The following ZFAND3 variants were observed in gnomAD, a reference collection of about 807,000 sequenced individuals.
The protein encoded by ZFAND3 is AN1-type zinc finger protein 3.
In ZFAND3, 10 loss-of-function variants were observed where a neutral mutation model predicts 29.6. The observed-to-expected ratio is 0.34, with a 90% CI of 0.21 to 0.57. The LOEUF is 0.57. Ranked by LOEUF, ZFAND3 falls within the 20% of genes least tolerant of loss-of-function variation. The pLI is 0.86. For missense variants in ZFAND3, 230 were observed against 304.5 expected, an observed-to-expected ratio of 0.76 and a Z score of 1.82; for synonymous variants, 128 against 112.6, an observed-to-expected ratio of 1.14 and a Z score of -0.87.
chr6:37,964,021 A>G lies in ZFAND3; in HGVS notation c.112+34022A>G, dbSNP rs3749583. 2.1e-3 allele frequency among the ~76,000 whole-genome samples: 323 copies of G among 151,974 alleles called. 11 individuals are homozygous for G. The East Asian group carries it at 0.053, about 25-fold the overall frequency. On this transcript the variant is annotated intron_variant, in intron 2 of 5. Transcript: ENST00000287218. ...TGTTCCATATATTATAATCCTTTCC[A>G]TATTTTGTTCTGTTGTAATTCTATT...
intron 1 of ZFAND3, among the ~76,000 whole-genome samples, chr6:37,909,148 T>C (rs185371440): frequency 7.0e-4 from 106 of 152,274 alleles, no homozygotes; most frequent in African/African-American, 2.5e-3. Flanking sequence ...TGCTTTTGAT[T>C]TTACATTGAT....
intron 2 of ZFAND3, among the ~76,000 whole-genome samples, chr6:38,037,842 A>G (rs1217861472): frequency 6.6e-6 from 1 of 152,210 alleles, no homozygotes; most frequent in East Asian, 1.9e-4. Flanking sequence ...ACTGATAACA[A>G]TCCCATCATA....
At chr6:37,842,734 T>C (rs76767526) in intron 1 of ZFAND3, among the ~76,000 whole-genome samples, 9,716 of 152,286 alleles carry the variant, frequency 0.064, 433 homozygotes, top group Non-Finnish European at 0.093. Context: ...ATTTTATTTT[T>C]AGAGTTTGGG....
At chr6:37,926,796 C>T (rs767031905) in intron 1 of ZFAND3, among the ~76,000 whole-genome samples, 3 of 152,104 alleles carry the variant, frequency 2.0e-5, no homozygotes, top group African/African-American at 4.8e-5. Context: ...GTTGTCTGTT[C>T]CAAGACCATG....
At chr6:37,872,082 A>C (rs768995251) in intron 1 of ZFAND3, among the ~76,000 whole-genome samples, 6 of 151,972 alleles carry the variant, frequency 3.9e-5, no homozygotes, top group Non-Finnish European at 8.8e-5. Context: ...TTCCCCCTCC[A>C]CTTTCCACCT....
At chr6:37,861,193 G>A (rs1373185849) in intron 1 of ZFAND3, among the ~76,000 whole-genome samples, 1 of 152,142 alleles carries the variant, frequency 6.6e-6, no homozygotes, top group Non-Finnish European at 1.5e-5. Context: ...GGAGGTGGAG[G>A]TTGCAGTGAG....
intron 4 of ZFAND3, among the ~76,000 whole-genome samples, chr6:38,097,377 G>A (rs1249499222): frequency 1.3e-5 from 2 of 151,012 alleles, no homozygotes; most frequent in African/African-American, 4.9e-5. Context: ...GTGAGCCACC[G>A]CACCCAGCCT....
rs1359352553 is a variant in ZFAND3 at position 37,998,640 on chromosome 6, A to G, written c.113-62953A>G. Among the ~76,000 whole-genome samples, 6 of 152,204 alleles carry G rather than the reference A, an allele frequency of 3.9e-5. No homozygotes were observed. The East Asian group carries it at 1.2e-3, about 29-fold the overall frequency. ...AACCTGCACCTGAGTATTGTATTCT[A>G]GCTGATGAAGTTGTTTTTCATGGGT... On this transcript the variant is annotated intron_variant, in intron 2 of 5. Coordinates refer to ENST00000287218, the MANE Select transcript of ZFAND3 (RefSeq NM_021943.3).
At chr6:37,960,041 A>G (rs142513774) in intron 2 of ZFAND3, among the ~76,000 whole-genome samples, 20 of 152,336 alleles carry the variant, frequency 1.3e-4, no homozygotes, top group African/African-American at 4.3e-4. Context: ...TAAGCATTGA[A>G]ATAGCAACAC....
At chr6:37,913,705 A>ATTTTTTTTTT (rs1581756231) in intron 1 of ZFAND3, among the ~76,000 whole-genome samples, 5 of 111,642 alleles carry the variant, frequency 4.5e-5, no homozygotes, top group African/African-American at 1.0e-4. Flanking sequence ...TGGCAGCTAT[A>ATTTTTTTTTT]TTCTTTTTTT....
At chr6:37,831,340 C>A (rs1207797516) in intron 1 of ZFAND3, among the ~76,000 whole-genome samples, 2 of 152,202 alleles carry the variant, frequency 1.3e-5, no homozygotes, top group Non-Finnish European at 2.9e-5. Context: ...ACTGATGCCA[C>A]CTTATTAATT....
At chr6:37,868,749 T>C (rs1051920019) in intron 1 of ZFAND3, among the ~76,000 whole-genome samples, 1 of 152,230 alleles carries the variant, frequency 6.6e-6, no homozygotes, top group Non-Finnish European at 1.5e-5. Context: ...TTTTTAAATA[T>C]ATTACTAGAC....
intron 1 of ZFAND3, among the ~76,000 whole-genome samples, chr6:37,896,832 A>G (rs1021684821): frequency 4.6e-5 from 7 of 151,788 alleles, no homozygotes; most frequent in Admixed American, 2.6e-4. Context: ...CTTTGTAGAA[A>G]TTGCCAGTAA....
At chr6:37,852,758 C>T (rs1460444883) in intron 1 of ZFAND3, among the ~76,000 whole-genome samples, 4 of 150,812 alleles carry the variant, frequency 2.7e-5, no homozygotes, top group African/African-American at 7.3e-5. Flanking sequence ...TTCTGTTGCC[C>T]AGGCTGCAGT....
In ZFAND3 at chr6:38,152,717, GT is replaced by G. The variant is rs1766256442; in HGVS notation, c.*330del. On this transcript the variant is annotated 3_prime_UTR_variant, in exon 6 of 6. Transcript: ENST00000287218. ...TTATAAAAAGCCTTAAGTGGAAAGT[GT>G]TCCAGACGGAGACTCTGAGTTAATA... The G allele has an allele frequency of 9.6e-7, 1 of 1,038,770 alleles. No homozygotes were observed. The highest frequency in any genetic ancestry group is 5.5e-5 in the Admixed American group (1 of 18,054). The allele number at this position is 1,038,770 out of a possible 1,614,324, so 64.3% of individuals were successfully genotyped here. A position where few individuals can be genotyped will look rare whatever the true frequency, so the allele number is the denominator to read the frequency against.
chr6:37,931,028 G>A (rs1015724469), intron 2 of ZFAND3, among the ~76,000 whole-genome samples: 1 of 152,144 alleles, frequency 6.6e-6, no homozygotes, highest in African/African-American at 2.4e-5. Flanking sequence ...AAGAAGTGAA[G>A]AATTTAAAAA....
chr6:38,098,763 A>T (rs1765033503), intron 4 of ZFAND3, among the ~76,000 whole-genome samples: 1 of 151,998 alleles, frequency 6.6e-6, no homozygotes, highest in African/African-American at 2.4e-5. Flanking sequence ...TGGCCTCCCA[A>T]AGTGCTAGGA....
intron 1 of ZFAND3, among the ~76,000 whole-genome samples, chr6:37,831,350 TG>T (rs528369274): frequency 1.3e-5 from 2 of 152,348 alleles, no homozygotes; most frequent in South Asian, 4.1e-4. Context: ...CCTTATTAAT[TG>T]GTGAAGTTTC....
chr6:37,928,721 G>T (rs1761537080), intron 1 of ZFAND3, among the ~76,000 whole-genome samples: 1 of 152,014 alleles, frequency 6.6e-6, no homozygotes, highest in Admixed American at 6.6e-5. Context: ...TTGTCATGTT[G>T]CCCAGGCTGG....
Sources: gnomAD v4.1 joint callset for allele counts (sites outside exome capture counted in the v4.1 genomes callset) on GRCh38, gnomAD v4.1.1 for gene constraint, MANE v1.5 for transcripts, NCBI Gene and HGNC (gene_info 2026-07-23, HGNC 2026-07-21) for gene names.